The following SMS variants were observed in gnomAD, a reference collection of about 807,000 sequenced individuals.
SMS encodes the protein spermidine aminopropyltransferase.
Under a neutral mutation model 33.0 loss-of-function variants are expected in SMS, and 3 were observed. That is an observed-to-expected ratio of 0.09 (90% CI 0.04 to 0.23). The LOEUF is 0.23. SMS is among the 10% of genes least tolerant of loss of function. The pLI, the probability that SMS is intolerant of heterozygous loss-of-function variation, is 1.00. For synonymous variants in SMS, 103 were observed against 112.2 expected (o/e 0.92, Z 0.52); for missense variants, 117 against 288.6 (o/e 0.41, Z 4.31).
chrX:21,940,816 C>T lies in SMS; in HGVS notation c.-9C>T, dbSNP rs1326309354. On this transcript the variant is annotated 5_prime_UTR_variant, in exon 1 of 11. Coordinates refer to ENST00000404933, the MANE Select transcript of SMS (RefSeq NM_004595.5). Reference sequence around the variant, plus strand: ...CTCCCCCAGGCATGGCACAGGGCCTCGCCTCACTATGGCAGCAGCACGGCA... The same window carrying T: ...CTCCCCCAGGCATGGCACAGGGCCTTGCCTCACTATGGCAGCAGCACGGCA... The T allele has an allele frequency of 2.7e-6, 3 of 1,117,319 alleles. No individual in the cohort carries two copies. The highest frequency in any genetic ancestry group is 3.8e-5 in the African/African-American group (2 of 52,179). The allele number at this position is 1,117,319 out of a possible 1,213,427, so 92.1% of individuals were successfully genotyped here. A position where few individuals can be genotyped will look rare whatever the true frequency, so the allele number is the denominator to read the frequency against.
chrX:21,967,128 G>C, intron 1 of SMS, 68 bp from the exon 2 acceptor site: 1 of 1,074,336 alleles, frequency 9.3e-7, no homozygotes, highest in African/African-American at 1.9e-5. Context: ...TCCTCAAACT[G>C]TGCCTCATTG....
intron 1 of SMS, among the ~76,000 whole-genome samples, chrX:21,954,308 A>G (rs762628739): frequency 1.8e-5 from 2 of 111,991 alleles, no homozygotes; most frequent in Non-Finnish European, 1.9e-5. Flanking sequence ...ACCAAAGAAT[A>G]TGTGACAGAA....
intron 9 of SMS, among the ~76,000 whole-genome samples, chrX:21,988,500 C>CT (rs1423787356): frequency 9.2e-6 from 1 of 108,708 alleles, no homozygotes; most frequent in Non-Finnish European, 1.9e-5. Context: ...CCCGTCTCTA[C>CT]TAAAAATACA....
At chrX:21,975,035 T>C (rs1302829184) in intron 4 of SMS, among the ~76,000 whole-genome samples, 2 of 111,437 alleles carry the variant, frequency 1.8e-5, no homozygotes, top group Non-Finnish European at 3.8e-5. Context: ...TGTTTTCTAC[T>C]TTCAAGTGAA....
chrX:21,977,613 A>G (rs1924618719), intron 5 of SMS, among the ~76,000 whole-genome samples: 1 of 112,089 alleles, frequency 8.9e-6, no homozygotes, highest in Non-Finnish European at 1.9e-5. Flanking sequence ...ATTTTACCTA[A>G]ACCCCAGTCC....
intron 9 of SMS, among the ~76,000 whole-genome samples, chrX:21,985,456 T>A (rs1925260681): frequency 9.0e-6 from 1 of 111,676 alleles, no homozygotes; most frequent in Non-Finnish European, 1.9e-5. Context: ...AGACACAGAC[T>A]GATTTTCTTT....
intron 9 of SMS, among the ~76,000 whole-genome samples, chrX:21,987,195 C>G (rs770475217): frequency 3.6e-5 from 4 of 111,345 alleles, no homozygotes; most frequent in Non-Finnish European, 7.5e-5. Context: ...TGGAGTTTCT[C>G]TATGTTGGTC....
At chrX:21,977,287 AATG>A in intron 5 of SMS, 51 bp downstream of exon 5, 6 of 1,064,053 alleles carry the variant, frequency 5.6e-6, no homozygotes, top group Non-Finnish European at 7.9e-6. Context: ...TGATGTGTTG[AATG>A]ATGGTGTTTT....
At position 21,977,175 on chromosome X, in the gene SMS, A is replaced by G; in HGVS notation, c.444A>G (p.Gln148=). The G allele has an allele frequency of 8.3e-7, 1 of 1,207,660 alleles. No individual in the cohort carries two copies. The highest frequency in any genetic ancestry group is 1.1e-6 in the Non-Finnish European group (1 of 891,615). The change falls in exon 5 of 11, where the codon CAA becomes CAG. Residue 148 remains glutamine (Q), a synonymous_variant. Transcript: ENST00000404933. ...TATATGACGAAGATTCACCTTATCA[A>G]AATATAAAAATTCTACACTCGAAGC... The part of the protein sequence containing the change: ...EVVYDEDSPY[Q]NIKILHSKQF...
At chrX:21,944,896 T>C (rs1391463446) in intron 1 of SMS, among the ~76,000 whole-genome samples, 1 of 110,885 alleles carries the variant, frequency 9.0e-6, no homozygotes, top group African/African-American at 3.3e-5. Context: ...AGAGAATGGC[T>C]TGAACGAGGG....
intron 1 of SMS, among the ~76,000 whole-genome samples, chrX:21,949,326 A>G (rs971178700): frequency 1.8e-5 from 2 of 112,490 alleles, no homozygotes; most frequent in African/African-American, 3.2e-5. Context: ...CAAATGATAC[A>G]TAAAATACCT....
At chrX:21,941,582 C>T (rs1921780043) in intron 1 of SMS, among the ~76,000 whole-genome samples, 1 of 110,411 alleles carries the variant, frequency 9.1e-6, no homozygotes, top group Admixed American at 9.5e-5. Context: ...CACCCCGAAT[C>T]GGGGAGCTAT....
chrX:21,980,132 A>G (rs186322100), intron 7 of SMS, among the ~76,000 whole-genome samples: 139 of 110,757 alleles, frequency 1.3e-3, no homozygotes, highest in African/African-American at 4.4e-3. Context: ...AAGTGTAAAG[A>G]TTTCAATTTT....
chrX:21,951,874 T>G (rs1214423565), intron 1 of SMS, among the ~76,000 whole-genome samples: 1 of 111,730 alleles, frequency 9.0e-6, no homozygotes, highest in African/African-American at 3.3e-5. Context: ...ATTTGTCTTT[T>G]TACTACATCT....
At chrX:21,986,834 C>T (rs1290800747) in intron 9 of SMS, among the ~76,000 whole-genome samples, 2 of 111,704 alleles carry the variant, frequency 1.8e-5, no homozygotes, top group African/African-American at 6.5e-5. Flanking sequence ...TGCTTTTGTA[C>T]TGAGTAGTTG....
At chrX:21,945,660 G>C (rs1209844158) in intron 1 of SMS, among the ~76,000 whole-genome samples, 1 of 42,414 alleles carries the variant, frequency 2.4e-5, no homozygotes, top group African/African-American at 1.4e-4. Context: ...CTACAGTCTC[G>C]CTCTGTCGCC....
intron 1 of SMS, among the ~76,000 whole-genome samples, chrX:21,946,259 G>T (rs1447027364): frequency 1.8e-5 from 2 of 112,466 alleles, no homozygotes; most frequent in African/African-American, 6.5e-5. Context: ...GACTGAGACA[G>T]CCCGTTCCTT....
intron 1 of SMS, among the ~76,000 whole-genome samples, chrX:21,941,797 A>G (rs775293616): frequency 7.8e-5 from 8 of 102,705 alleles, no homozygotes; most frequent in Admixed American, 5.3e-4. Context: ...AGGCAGGACA[A>G]TCGCTTGAAC....
At chrX:21,954,507 G>T (rs1028494128) in intron 1 of SMS, among the ~76,000 whole-genome samples, 1 of 111,873 alleles carries the variant, frequency 8.9e-6, no homozygotes, top group African/African-American at 3.3e-5. Flanking sequence ...CATAGTGCAC[G>T]GCCATCTCTG....
Sources: gnomAD v4.1 joint callset for allele counts (sites outside exome capture counted in the v4.1 genomes callset) on GRCh38, gnomAD v4.1.1 for gene constraint, MANE v1.5 for transcripts, NCBI Gene and HGNC (gene_info 2026-07-23, HGNC 2026-07-21) for gene names.